The following KCNK5 variants were observed in gnomAD, a reference collection of about 807,000 sequenced individuals.
KCNK5 encodes the protein potassium two pore domain channel subfamily K member 5, also known as potassium channel subfamily K member 5.
Under a neutral mutation model 32.9 loss-of-function variants are expected in KCNK5, and 18 were observed. That is an observed-to-expected ratio of 0.55 (90% CI 0.38 to 0.81). The LOEUF (loss-of-function observed/expected upper bound fraction) is 0.81, where lower values mean the gene tolerates loss of function less well. Among genes scored for constraint, KCNK5 ranks in the 30% least tolerant of loss-of-function variants. The probability of loss-of-function intolerance (pLI) is 0.00; values close to 1 mark genes in which losing one functional copy is unlikely to be tolerated. For missense variants in KCNK5, 507 were observed against 651.0 expected (o/e 0.78, Z 2.41); for synonymous variants, 276 against 275.3 (o/e 1.00, Z -0.03).
intron 1 of KCNK5, among the ~76,000 whole-genome samples, chr6:39,211,112 A>C (rs1398593123): frequency 6.6e-6 from 1 of 152,144 alleles, no homozygotes; most frequent in African/African-American, 2.4e-5. Flanking sequence ...TCACCCTAAG[A>C]AGAGAAATAC....
chr6:39,217,038 T>C (rs1771449609), intron 1 of KCNK5, among the ~76,000 whole-genome samples: 1 of 143,216 alleles, frequency 7.0e-6, no homozygotes, highest in South Asian at 2.2e-4. Flanking sequence ...GAGAATCGCT[T>C]GAATCCGGGA....
chr6:39,204,644 C>A (rs1771191954), intron 1 of KCNK5, among the ~76,000 whole-genome samples: 1 of 152,214 alleles, frequency 6.6e-6, no homozygotes. Context: ...CTGCAAAGCT[C>A]CCCCAGGTGA....
chr6:39,217,254 C>A (rs2113795488), intron 1 of KCNK5, among the ~76,000 whole-genome samples: 1 of 151,282 alleles, frequency 6.6e-6, no homozygotes, highest in South Asian at 2.1e-4. Flanking sequence ...TGACTGGGAT[C>A]AACGGCAGGG....
chr6:39,216,222 T>C (rs537955001), intron 1 of KCNK5, among the ~76,000 whole-genome samples: 1 of 150,836 alleles, frequency 6.6e-6, no homozygotes, highest in African/African-American at 2.4e-5. Context: ...GAGGTGGAGG[T>C]TGCAGTGAGC....
intron 1 of KCNK5, among the ~76,000 whole-genome samples, chr6:39,214,065 G>A (rs561415667): frequency 6.6e-6 from 1 of 152,256 alleles, no homozygotes; most frequent in African/African-American, 2.4e-5. Context: ...CCAACGGTGG[G>A]TAGGTGGAGA....
chr6:39,216,021 G>A (rs144357825), intron 1 of KCNK5, among the ~76,000 whole-genome samples: 122 of 152,320 alleles, frequency 8.0e-4, no homozygotes, highest in African/African-American at 2.5e-3. Context: ...GGTGGCTCAC[G>A]CCTGTAATCC....
chr6:39,195,852 T>C (rs1771020609), intron 2 of KCNK5, 24 bp downstream of exon 2: 1 of 1,572,022 alleles, frequency 6.4e-7, no homozygotes, highest in Middle Eastern at 1.7e-4. Flanking sequence ...GATGTGGGTG[T>C]CCTACAGGTC....
intron 1 of KCNK5, among the ~76,000 whole-genome samples, chr6:39,214,822 C>T (rs1771404705): frequency 6.6e-6 from 1 of 152,156 alleles, no homozygotes; most frequent in Non-Finnish European, 1.5e-5. Context: ...AACTTTTCTA[C>T]CTTGAAGCAC....
intron 1 of KCNK5, among the ~76,000 whole-genome samples, chr6:39,216,733 C>A (rs555695543): frequency 6.6e-6 from 1 of 152,290 alleles, no homozygotes; most frequent in East Asian, 1.9e-4. Flanking sequence ...CCCGTTACGG[C>A]TGTCATGCGG....
intron 1 of KCNK5, among the ~76,000 whole-genome samples, chr6:39,202,748 G>A (rs932831082): frequency 2.6e-5 from 4 of 152,104 alleles, no homozygotes; most frequent in Non-Finnish European, 2.9e-5. Flanking sequence ...AATCCCATTG[G>A]CAGCAGGGCC....
At position 39,191,614 on chromosome 6, in the gene KCNK5, C is replaced by T. The variant is rs1770940030; in HGVS notation, c.776G>A (p.Arg259Gln). The T allele has an allele frequency of 3.7e-6, 6 of 1,614,024 alleles. No individual in the cohort carries two copies. The highest frequency in any genetic ancestry group is 4.2e-6 in the Non-Finnish European group (5 of 1,179,998). Reference protein sequence around the residue: ...FVEVHKAIKKRRRRRKESFES... With the variant: ...FVEVHKAIKKQRRRRKESFES... ...AAAGGACTCCTTCCGTCGCCGCCGC[C>T]GCTTCTTAATGGCTTTGTGGACTTC... The change falls in exon 5 of 5, where the codon CGG (arginine) becomes CAG (glutamine). Residue 259 changes from arginine to glutamine, a missense_variant. Arg to Gln is a conservative substitution (Grantham distance 43, BLOSUM62 1). Around this residue, in one of 6 missense-constraint regions of KCNK5, gnomAD observed 45 missense variants for 107.6 expected, o/e 0.42. Coordinates refer to ENST00000359534, the MANE Select transcript of KCNK5 (RefSeq NM_003740.4). The surrounding 1 kb of genome is among the most constrained non-coding windows in gnomAD (Gnocchi z 5.8).
At chr6:39,219,184 G>T (rs1481456741) in intron 1 of KCNK5, among the ~76,000 whole-genome samples, 1 of 152,176 alleles carries the variant, frequency 6.6e-6, no homozygotes, top group African/African-American at 2.4e-5. Context: ...TTCGGGAAAA[G>T]TTGATGGAAC....
chr6:39,224,887 GT>G (rs973638999), intron 1 of KCNK5, among the ~76,000 whole-genome samples: 29 of 147,844 alleles, frequency 2.0e-4, no homozygotes, highest in Middle Eastern at 3.5e-3. Flanking sequence ...TACCAGTTAG[GT>G]TTTTTTTTTT....
intron 1 of KCNK5, among the ~76,000 whole-genome samples, chr6:39,219,589 A>G (rs1446074225): frequency 6.6e-6 from 1 of 152,174 alleles, no homozygotes; most frequent in Non-Finnish European, 1.5e-5. Flanking sequence ...CCCTTCCATG[A>G]CTTAGAGCCT....
At chr6:39,214,646 G>A (rs964908273) in intron 1 of KCNK5, among the ~76,000 whole-genome samples, 11 of 152,122 alleles carry the variant, frequency 7.2e-5, no homozygotes, top group African/African-American at 2.4e-4. Context: ...GGTAAAAACC[G>A]AGGGCTTGTA....
At chr6:39,208,283 A>G (rs1771264353) in intron 1 of KCNK5, among the ~76,000 whole-genome samples, 1 of 152,150 alleles carries the variant, frequency 6.6e-6, no homozygotes, top group South Asian at 2.1e-4. Context: ...GGGTGGGGCC[A>G]CTGGGTTTCT....
Position 39,190,511 on chromosome 6 carries a change from A to T in KCNK5, c.*379T>A. ...AGCTCAGTAATACCGGTAAACTTAAACAGCTGAGGCCCCAGACCTCAGAGA... is the reference window on the plus strand; with the variant it reads ...AGCTCAGTAATACCGGTAAACTTAATCAGCTGAGGCCCCAGACCTCAGAGA... On this transcript the variant is annotated 3_prime_UTR_variant, in exon 5 of 5. Transcript: ENST00000359534. 5.9e-6 allele frequency: 1 copy of T among 169,258 alleles called. No homozygotes were observed. 10.5% of individuals were successfully genotyped at this position (169,258 alleles called of 1,614,324 possible). A position where few individuals can be genotyped will look rare whatever the true frequency, so the allele number is the denominator to read the frequency against.
At position 39,195,909 on chromosome 6, in the gene KCNK5, T is replaced by A. The variant is rs1008459081; in HGVS notation, c.265A>T (p.Met89Leu). 1 of 1,613,810 alleles carries A rather than the reference T, an allele frequency of 6.2e-7. No homozygotes were observed. The highest frequency in any genetic ancestry group is 8.5e-7 in the Non-Finnish European group (1 of 1,179,878). Residue 89 changes from methionine (M) to leucine (L), a missense_variant, in exon 2 of 5, where the codon ATG becomes TTG. Physicochemically the swap from Met to Leu is conservative, Grantham distance 15. This residue lies in a region of KCNK5 where 143 missense variants were observed against 219.1 expected (regional missense o/e 0.65). Transcript: ENST00000359534. ...TFNNWNWPNAMIFAATVITTI... is the reference protein window; with the variant it reads ...TFNNWNWPNALIFAATVITTI... ...GTAATGACGGTCGCTGCAAAAATCA[T>A]TGCATTGGGCCAGTTCCAGTTGTTG...
At chr6:39,205,193 T>C (rs1314301949) in intron 1 of KCNK5, among the ~76,000 whole-genome samples, 1 of 152,128 alleles carries the variant, frequency 6.6e-6, no homozygotes, top group African/African-American at 2.4e-5. Context: ...CTCAGGCACC[T>C]GGAGGGCTGA....
Sources: allele counts gnomAD v4.1 joint callset (sites outside exome capture counted in the v4.1 genomes callset), GRCh38; gene constraint gnomAD v4.1.1; regional missense constraint gnomAD v4.1.1; non-coding constraint Gnocchi (gnomAD v3.1); transcripts MANE v1.5; gene names NCBI Gene and HGNC (gene_info 2026-07-23, HGNC 2026-07-21).